The following RERE variants were observed in gnomAD, a reference collection of about 807,000 sequenced individuals.
RERE encodes the protein arginine-glutamic acid dipeptide repeats, also known as arginine-glutamic acid dipeptide repeats protein.
In RERE, 40 loss-of-function variants were observed where a neutral mutation model predicts 146.1. That is an observed-to-expected ratio of 0.27 (90% CI 0.21 to 0.36). The LOEUF (loss-of-function observed/expected upper bound fraction) is 0.36. RERE is among the 10% of genes least tolerant of loss of function. RERE has a pLI of 1.00. For synonymous variants in RERE, 1,003 were observed against 866.0 expected (o/e 1.16, Z -2.78); for missense variants, 1,933 against 2,138.7 (o/e 0.90, Z 1.90).
chr1:8,359,024 C>T, intron 19 of RERE, 108 bp from the exon 20 acceptor site: 2 of 1,348,174 alleles, frequency 1.5e-6, no homozygotes, highest in Non-Finnish European at 9.7e-7. Context: ...CTCTGACAGG[C>T]CAACCTGGTC....
At chr1:8,463,395 T>C (rs1398541904) in intron 11 of RERE, among the ~76,000 whole-genome samples, 8 of 152,164 alleles carry the variant, frequency 5.3e-5, no homozygotes, top group Admixed American at 3.9e-4. Context: ...ACTCAAAATA[T>C]TCACCACTTT....
chr1:8,768,217 C>G (rs1473330096), intron 1 of RERE, among the ~76,000 whole-genome samples: 1 of 152,114 alleles, frequency 6.6e-6, no homozygotes, highest in Non-Finnish European at 1.5e-5. Context: ...TGATTTTCAG[C>G]TATACCTTAA....
At chr1:8,798,545 A>C (rs1641525073) in intron 1 of RERE, 1 of 216,322 alleles carries the variant, frequency 4.6e-6, no homozygotes, top group African/African-American at 2.3e-5. Flanking sequence ...CTCAGGAAGC[A>C]AAGATATCAT....
At chr1:8,789,642 C>T (rs574894711) in intron 1 of RERE, among the ~76,000 whole-genome samples, 2 of 152,108 alleles carry the variant, frequency 1.3e-5, no homozygotes, top group Non-Finnish European at 2.9e-5. Flanking sequence ...ACAGACACTC[C>T]GTGCCTAGCA....
At chr1:8,703,404 G>A (rs564246716) in intron 1 of RERE, among the ~76,000 whole-genome samples, 55 of 151,790 alleles carry the variant, frequency 3.6e-4, no homozygotes, top group African/African-American at 1.3e-3. Context: ...ACATGCCGGT[G>A]ACCCAGACGC....
chr1:8,361,206 C>T lies in RERE; in HGVS notation c.2301G>A (p.Thr767=), dbSNP rs200525791. 3.7e-5 allele frequency: 56 copies of T among 1,503,628 alleles called. No homozygotes were observed. The highest frequency in any genetic ancestry group is 1.1e-4 in the Admixed American group (5 of 43,768). The allele number at this position is 1,503,628 out of a possible 1,614,324, so 93.1% of individuals were successfully genotyped here. A position where few individuals can be genotyped will look rare whatever the true frequency, so the allele number is the denominator to read the frequency against. Residue 767 remains threonine, a synonymous_variant, in exon 18 of 23, where the codon ACG becomes ACA. Transcript: ENST00000400908. ...GTGGGGGAACTGCAGTGGCAGAGGG[C>T]GTGGGCCCTGGCGTGGGCAGCTGAG... ...GTPQLPTPGP[T]PSATAVPPQG...
At chr1:8,397,644 C>T (rs886856703) in intron 12 of RERE, among the ~76,000 whole-genome samples, 1 of 151,778 alleles carries the variant, frequency 6.6e-6, no homozygotes. Context: ...CCCAACTGTG[C>T]TACAGTTTTA....
chr1:8,523,314 C>T (rs1346221161), intron 7 of RERE, among the ~76,000 whole-genome samples: 1 of 152,210 alleles, frequency 6.6e-6, no homozygotes, highest in African/African-American at 2.4e-5. Context: ...ATGTGAGGCT[C>T]CCTCAGATTC....
chr1:8,352,665 G>C lies in RERE; in HGVS notation c.*2422C>G, dbSNP rs956681689. 6.6e-6 allele frequency: 1 copy of C among 152,312 alleles called. No individual in the cohort carries two copies. The highest frequency in any genetic ancestry group is 2.4e-5 in the African/African-American group (1 of 41,432). 9.4% of individuals were successfully genotyped at this position (152,312 alleles called of 1,614,324 possible). A position where few individuals can be genotyped will look rare whatever the true frequency, so the allele number is the denominator to read the frequency against. ...ACAAGATACGGACACACACAGAGGA[G>C]CCAAACCAAACCCCGAACAAAGGGA... On this transcript the variant is annotated 3_prime_UTR_variant, in exon 23 of 23. Transcript: ENST00000400908.
In RERE at chr1:8,559,304, A is replaced by AAAAAAAAAAAAAAC. The variant is rs754733974; in HGVS notation, c.523-1782_523-1781insGTTTTTTTTTTTTT. Reference sequence around the variant, plus strand: ...TCAAAAAAAAAAAAAAAAAAAAAAAACAGAACAAAACAAAACAAAAAACCA... The same window carrying AAAAAAAAAAAAAAC: ...TCAAAAAAAAAAAAAAAAAAAAAAAAAAAAAAAAAAAAACCAGAACAAAACAAAACAAAAAACCA... On this transcript the variant is annotated intron_variant, in intron 4 of 22. Transcript: ENST00000400908. Among the ~76,000 whole-genome samples the AAAAAAAAAAAAAAC allele has an allele frequency of 4.6e-5, 6 of 130,182 alleles. No individual in the cohort carries two copies. The East Asian group carries it at 1.2e-3, about 26-fold the overall frequency. The allele number at this position is 130,182 out of a possible 152,430, so 85.4% of individuals were successfully genotyped here.
At chr1:8,532,320 C>T (rs1645664885) in intron 7 of RERE, among the ~76,000 whole-genome samples, 1 of 150,992 alleles carries the variant, frequency 6.6e-6, no homozygotes, top group South Asian at 2.1e-4. Flanking sequence ...CATAAAATGA[C>T]TCAGGGGACC....
intron 2 of RERE, among the ~76,000 whole-genome samples, chr1:8,624,958 T>C (rs1300264008): frequency 6.6e-6 from 1 of 152,184 alleles, no homozygotes; most frequent in African/African-American, 2.4e-5. Flanking sequence ...ACACATTTTA[T>C]TTTCTAACTG....
rs1379823752 is a variant in RERE at position 8,692,638 on chromosome 1, C to T, written c.-144-36197G>A. Among the ~76,000 whole-genome samples the T allele has an allele frequency of 5.3e-5, 8 of 152,032 alleles. No individual in the cohort carries two copies. The South Asian group carries it at 6.2e-4, about 12-fold the overall frequency. On this transcript the variant is annotated intron_variant, in intron 1 of 22. Transcript: ENST00000400908. ...TGCTGGGATTACAGGCATGAGCCACCGTATTCGGCCCGGTATACTTTAAAA... is the reference window on the plus strand; with the variant it reads ...TGCTGGGATTACAGGCATGAGCCACTGTATTCGGCCCGGTATACTTTAAAA...
chr1:8,647,792 G>A (rs535944786), intron 2 of RERE, among the ~76,000 whole-genome samples: 2 of 152,210 alleles, frequency 1.3e-5, no homozygotes, highest in African/African-American at 4.8e-5. Flanking sequence ...AACTAAGGAT[G>A]TGACACCACT....
chr1:8,816,387 G>A (rs879844103), intron 1 of RERE, among the ~76,000 whole-genome samples: 3 of 152,176 alleles, frequency 2.0e-5, no homozygotes, highest in Non-Finnish European at 4.4e-5. Flanking sequence ...ATCAATGTTT[G>A]AAGTCTGTAA....
intron 7 of RERE, among the ~76,000 whole-genome samples, chr1:8,514,731 A>G (rs1411122527): frequency 6.6e-6 from 1 of 150,472 alleles, no homozygotes; most frequent in Non-Finnish European, 1.5e-5. Flanking sequence ...ACTCCGCCTC[A>G]AAAAAAAAGA....
intron 1 of RERE, among the ~76,000 whole-genome samples, chr1:8,709,008 G>A (rs1029761564): frequency 1.4e-5 from 2 of 146,556 alleles, no homozygotes; most frequent in Non-Finnish European, 3.0e-5. Flanking sequence ...CATCTCCTGG[G>A]TTCACGCCAT....
intron 1 of RERE, among the ~76,000 whole-genome samples, chr1:8,794,357 CAA>C (rs34549021): frequency 1.4e-3 from 58 of 40,560 alleles, no homozygotes; most frequent in African/African-American, 5.4e-3. Flanking sequence ...GACTCCGTCT[CAA>C]AAAAAAAAAA....
chr1:8,706,986 A>G (rs1410341942), intron 1 of RERE, among the ~76,000 whole-genome samples: 1 of 152,202 alleles, frequency 6.6e-6, no homozygotes, highest in Non-Finnish European at 1.5e-5. Context: ...TCCCTCCCAA[A>G]TTAATACTCA....
Sources: gnomAD v4.1 joint callset for allele counts (sites outside exome capture counted in the v4.1 genomes callset) on GRCh38, gnomAD v4.1.1 for gene constraint, MANE v1.5 for transcripts, NCBI Gene and HGNC (gene_info 2026-07-23, HGNC 2026-07-21) for gene names.